PCDHGA6: variants seen among roughly 807,000 people sequenced by gnomAD.
The protein encoded by PCDHGA6 is protocadherin gamma-A6.
Under a neutral mutation model 60.6 loss-of-function variants are expected in PCDHGA6, and 41 were observed. The ratio of observed to expected loss-of-function variants is 0.68; its 90% CI spans 0.53 to 0.88. The LOEUF is 0.88. Ranked by LOEUF, PCDHGA6 falls within the 40% of genes least tolerant of loss-of-function variation. The pLI, the probability that PCDHGA6 is intolerant of heterozygous loss-of-function variation, is 0.00. For missense variants in PCDHGA6, 1,312 were observed against 1,203.0 expected, an observed-to-expected ratio of 1.09 and a Z score of -1.34; for synonymous variants, 594 against 524.4, an observed-to-expected ratio of 1.13 and a Z score of -1.81.
At chr5:141,438,630 A>T (rs1232206839) in intron 1 of PCDHGA6, among the ~76,000 whole-genome samples, 1 of 38,920 alleles carries the variant, frequency 2.6e-5, no homozygotes, top group East Asian at 8.1e-4. Context: ...ATATATATAT[A>T]TATATACACA....
intron 1 of PCDHGA6, chr5:141,478,091 A>G: frequency 6.2e-7 from 1 of 1,613,972 alleles, no homozygotes; most frequent in African/African-American, 1.3e-5. Flanking sequence ...GCTCTCCACC[A>G]CTGCTACCCT....
intron 1 of PCDHGA6, among the ~76,000 whole-genome samples, chr5:141,456,854 T>C (rs924765803): frequency 7.2e-5 from 11 of 151,950 alleles, no homozygotes; most frequent in Non-Finnish European, 1.3e-4. Context: ...TCCCAGCTAA[T>C]TGGGAGGCTG....
chr5:141,374,308 C>T lies in PCDHGA6; in HGVS notation c.225C>T (p.Phe75=). The change falls in exon 1 of 4, where the codon TTC becomes TTT. Residue 75 remains phenylalanine (F), a synonymous_variant. Coordinates refer to ENST00000517434, the MANE Select transcript of PCDHGA6 (RefSeq NM_018919.3). ...TCTCCAGAGGTAGGATGCAGCTTTT[C>T]TCTCTGAATCCGCGAAACGGCAGCT... ...RIVSRGRMQL[F]SLNPRNGSLV... 6.2e-7 allele frequency: 1 copy of T among 1,613,970 alleles called. No homozygotes were observed. Among genetic ancestry groups the T allele is most frequent in the Non-Finnish European group, 8.5e-7 (1 of 1,179,840 alleles).
rs2099883782 is a variant in PCDHGA6 at position 141,511,420 on chromosome 5, G to C, written c.*247G>C. The C allele has an allele frequency of 1.2e-6, 1 of 830,744 alleles. No homozygotes were observed. The allele number at this position is 830,744 out of a possible 1,614,324, so 51.5% of individuals were successfully genotyped here. On this transcript the variant is annotated 3_prime_UTR_variant, in exon 4 of 4. Transcript: ENST00000517434. ...TCCAATCAACTGCTGTACCCATGGG[G>C]GTAGTGGGGTTACTGTAGACACCAA...
At chr5:141,405,442 CAG>C in intron 1 of PCDHGA6, 1 of 1,378,150 alleles carries the variant, frequency 7.3e-7, no homozygotes, top group South Asian at 1.3e-5. Context: ...GTTTTTGAGA[CAG>C]AGTCTTACTC....
chr5:141,433,232 C>T (rs1344380820), intron 1 of PCDHGA6: 1 of 1,516,488 alleles, frequency 6.6e-7, no homozygotes, highest in Admixed American at 1.9e-5. Flanking sequence ...ATTGCTCTGT[C>T]TCCCAAGCTG....
intron 1 of PCDHGA6, chr5:141,383,856 T>C (rs1307177086): frequency 6.2e-7 from 1 of 1,613,964 alleles, no homozygotes; most frequent in Admixed American, 1.7e-5. Flanking sequence ...AAATGGAGGT[T>C]CAGGCTCAAG....
Position 141,374,341 on chromosome 5 carries a change from C to G in PCDHGA6, c.258C>G (p.Thr86=). Reference sequence around the variant, plus strand: ...ATCCGCGAAACGGCAGCTTGGTCACCGCGGGTAGGATAGACCGCGAGGAGC... The same window carrying G: ...ATCCGCGAAACGGCAGCTTGGTCACGGCGGGTAGGATAGACCGCGAGGAGC... ...SLNPRNGSLV[T]AGRIDREELC... Residue 86 remains threonine, a synonymous_variant, in exon 1 of 4, where the codon ACC becomes ACG. Transcript: ENST00000517434. 7.4e-6 allele frequency: 12 copies of G among 1,613,988 alleles called. No homozygotes were observed. The highest frequency in any genetic ancestry group is 8.5e-6 in the Non-Finnish European group (10 of 1,179,890).
rs773624580 is a variant in PCDHGA6 at position 141,489,715 on chromosome 5, G to A, written c.2425-5092G>A. On this transcript the variant is annotated intron_variant, in intron 1 of 3. Transcript: ENST00000517434. The surrounding 1 kb of genome is among the most constrained non-coding windows in gnomAD (Gnocchi z 4.5). ...ACGATTCCCACTGGACAGTGCCCAG[G>A]ATCCGGATGTGGGCACCAATACTGT... The A allele has an allele frequency of 6.2e-6, 10 of 1,614,004 alleles. No homozygotes were observed. The highest frequency in any genetic ancestry group is 2.2e-5 in the East Asian group (1 of 44,886).
At chr5:141,419,184 T>A in intron 1 of PCDHGA6, 1 of 1,613,938 alleles carries the variant, frequency 6.2e-7, no homozygotes, top group Non-Finnish European at 8.5e-7. Context: ...ACCCTGCACA[T>A]TACTGACGTC....
chr5:141,507,716 C>T (rs567867232), intron 3 of PCDHGA6, among the ~76,000 whole-genome samples: 1 of 152,372 alleles, frequency 6.6e-6, no homozygotes, highest in South Asian at 2.1e-4. Flanking sequence ...CCCAAACCCT[C>T]CAAGCAAGTC....
intron 1 of PCDHGA6, among the ~76,000 whole-genome samples, chr5:141,449,345 T>C (rs2154562594): frequency 1.3e-5 from 2 of 151,644 alleles, no homozygotes; most frequent in South Asian, 4.2e-4. Context: ...AGTGGCTCAC[T>C]CCTGTAATCC....
intron 1 of PCDHGA6, among the ~76,000 whole-genome samples, chr5:141,429,535 T>TG (rs1278730394): frequency 2.0e-5 from 3 of 152,168 alleles, no homozygotes; most frequent in Non-Finnish European, 4.4e-5. Flanking sequence ...CTTAAAAAAA[T>TG]AAGAACATGG....
chr5:141,374,093 C>T lies in PCDHGA6; in HGVS notation c.10C>T (p.Pro4Ser), dbSNP rs1039229802. The change falls in exon 1 of 4, where the codon CCG becomes TCG. Residue 4 changes from proline (P) to serine (S), a missense_variant. By Grantham distance (74) the Pro-to-Ser change is moderately conservative. Transcript: ENST00000517434. MAPPQRHPQRSEQV... is the reference protein window; with the variant it reads MAPSQRHPQRSEQV... ...TCCTAATAAGCCAGTAATGGCGCCT[C>T]CGCAGAGGCATCCGCAGCGCAGCGA... 1 of 1,554,822 alleles carries T rather than the reference C, an allele frequency of 6.4e-7. No individual in the cohort carries two copies. The highest frequency in any genetic ancestry group is 1.8e-4 in the Middle Eastern group (1 of 5,418).
At chr5:141,419,886 G>C (rs1195529127) in intron 1 of PCDHGA6, 1 of 1,614,076 alleles carries the variant, frequency 6.2e-7, no homozygotes, top group Non-Finnish European at 8.5e-7. Context: ...CCGGATTTCA[G>C]CGACCATCCC....
rs371139792 is a variant in PCDHGA6 at position 141,490,160 on chromosome 5, C to A, written c.2425-4647C>A. On this transcript the variant is annotated intron_variant, in intron 1 of 3. Transcript: ENST00000517434. This position sits in a 1 kb window ranked among gnomAD's most constrained non-coding sequence, Gnocchi z 5.4. The stretch of plus-strand genomic sequence containing the variant: ...AGTGGGGCAATCCATGTGTTGGGTC[C>A]CATAGACTTTGAGGAGTCACGTTTC... The A allele has an allele frequency of 5.6e-6, 9 of 1,614,192 alleles. No homozygotes were observed. The highest frequency in any genetic ancestry group is 7.6e-6 in the Non-Finnish European group (9 of 1,180,016).
At position 141,432,273 on chromosome 5, in the gene PCDHGA6, T is replaced by G. The variant is rs199937628; in HGVS notation, c.2424+55766T>G. 6.8e-6 allele frequency: 11 copies of G among 1,614,238 alleles called. No individual in the cohort carries two copies. In the Admixed American group the frequency reaches 1.7e-4, roughly 24 times the overall value. ...CAAGGGGCAAGCCTATCGTCCTACG[T>G]GTCCATCAACTCCGACACTGGGGTA... On this transcript the variant is annotated intron_variant, in intron 1 of 3. Coordinates refer to ENST00000517434, the MANE Select transcript of PCDHGA6 (RefSeq NM_018919.3). This position sits in a 1 kb window ranked among gnomAD's most constrained non-coding sequence, Gnocchi z 6.0.
At chr5:141,450,627 C>T (rs947866993) in intron 1 of PCDHGA6, among the ~76,000 whole-genome samples, 13 of 151,592 alleles carry the variant, frequency 8.6e-5, no homozygotes, top group African/African-American at 3.2e-4. Context: ...GCTGGGATTA[C>T]AGATGCCTGC....
chr5:141,407,868 A>AAT (rs1474357780), intron 1 of PCDHGA6, among the ~76,000 whole-genome samples: 1 of 152,242 alleles, frequency 6.6e-6, no homozygotes, highest in Admixed American at 6.5e-5. Context: ...ATTTTCGAAG[A>AAT]ATATATACAT....
Sources: gnomAD v4.1 joint callset for allele counts (sites outside exome capture counted in the v4.1 genomes callset) on GRCh38, gnomAD v4.1.1 for gene constraint, Gnocchi (gnomAD v3.1) non-coding constraint, MANE v1.5 for transcripts, NCBI Gene and HGNC (gene_info 2026-07-23, HGNC 2026-07-21) for gene names.